FAM135B: variants seen among roughly 807,000 people sequenced by gnomAD.
FAM135B encodes the protein protein FAM135B.
In FAM135B, 43 loss-of-function variants were observed where a neutral mutation model predicts 127.7. That is an observed-to-expected ratio of 0.34 (90% CI 0.26 to 0.43). The LOEUF (loss-of-function observed/expected upper bound fraction) is 0.43, where lower values mean the gene tolerates loss of function less well. Among genes scored for constraint, FAM135B ranks in the 20% least tolerant of loss-of-function variants. The probability of loss-of-function intolerance (pLI) is 1.00; values close to 1 mark genes in which losing one functional copy is unlikely to be tolerated. For missense variants in FAM135B, 1,558 were observed against 1,725.6 expected (o/e 0.90, Z 1.72); for synonymous variants, 670 against 665.1 (o/e 1.01, Z -0.11).
chr8:138,368,691 A>G (rs1286024410), intron 1 of FAM135B, among the ~76,000 whole-genome samples: 1 of 152,126 alleles, frequency 6.6e-6, no homozygotes, highest in Non-Finnish European at 1.5e-5. Flanking sequence ...CAGGTTGCTA[A>G]TTTTCCAATT....
At chr8:138,446,752 C>T (rs1303006456) in intron 1 of FAM135B, among the ~76,000 whole-genome samples, 4 of 151,828 alleles carry the variant, frequency 2.6e-5, no homozygotes, top group Admixed American at 2.6e-4. Context: ...TGGGCAAGGA[C>T]TTCATGTCTA....
chr8:138,287,895 C>A (rs184677464), intron 3 of FAM135B, among the ~76,000 whole-genome samples: 1 of 152,304 alleles, frequency 6.6e-6, no homozygotes, highest in African/African-American at 2.4e-5. Context: ...GCAGATAATA[C>A]ATACCAACAA....
rs939411942 is a variant in FAM135B, at chr8:138,131,131, G to C, written c.*1462C>G. On this transcript the variant is annotated 3_prime_UTR_variant, in exon 20 of 20. Coordinates refer to ENST00000395297, the MANE Select transcript of FAM135B (RefSeq NM_015912.4). Reference sequence around the variant, plus strand: ...TTCTCAAATGAGCTTAGATTTACTTGGTTTTGTTACCATGGCATCAGTGAC... The same window carrying C: ...TTCTCAAATGAGCTTAGATTTACTTCGTTTTGTTACCATGGCATCAGTGAC... The C allele has an allele frequency of 6.6e-6, 1 of 152,124 alleles. No individual in the cohort carries two copies. The highest frequency in any genetic ancestry group is 2.4e-5 in the African/African-American group (1 of 41,418). 9.4% of individuals were successfully genotyped at this position (152,124 alleles called of 1,614,324 possible). A position where few individuals can be genotyped will look rare whatever the true frequency, so the allele number is the denominator to read the frequency against.
At chr8:138,426,050 C>CACAT (rs1834860325) in intron 1 of FAM135B, among the ~76,000 whole-genome samples, 1 of 36,318 alleles carries the variant, frequency 2.8e-5, no homozygotes, top group African/African-American at 1.7e-4. Context: ...CACACACACA[C>CACAT]ATATATATAT....
At chr8:138,316,806 C>T (rs577352990) in intron 2 of FAM135B, among the ~76,000 whole-genome samples, 1 of 151,970 alleles carries the variant, frequency 6.6e-6, no homozygotes, top group African/African-American at 2.4e-5. Context: ...CGGTGAAACC[C>T]CGTCTCTACT....
chr8:138,433,610 C>T lies in FAM135B; in HGVS notation c.-20+63061G>A, dbSNP rs924691405. Reference sequence around the variant, plus strand: ...TATTAAATAAATGTAATCTCTATTTCATAGTTGATGAAATTCATGCTCAGG... The same window carrying T: ...TATTAAATAAATGTAATCTCTATTTTATAGTTGATGAAATTCATGCTCAGG... On this transcript the variant is annotated intron_variant, in intron 1 of 19. Coordinates refer to ENST00000395297, the MANE Select transcript of FAM135B (RefSeq NM_015912.4). Among the ~76,000 whole-genome samples the T allele has an allele frequency of 2.6e-4, 39 of 151,894 alleles. 1 individual carries two copies. Among genetic ancestry groups the T allele is most frequent in the Non-Finnish European group, 4.4e-5 (3 of 67,976 alleles).
At chr8:138,422,360 G>C (rs777519803) in intron 1 of FAM135B, among the ~76,000 whole-genome samples, 1 of 152,080 alleles carries the variant, frequency 6.6e-6, no homozygotes, top group Non-Finnish European at 1.5e-5. Context: ...GAGAATATTT[G>C]CAAACTATTT....
intron 12 of FAM135B, among the ~76,000 whole-genome samples, chr8:138,165,709 C>T (rs1586659889): frequency 6.6e-6 from 1 of 152,286 alleles, no homozygotes; most frequent in Non-Finnish European, 1.5e-5. Flanking sequence ...CATACATACA[C>T]ATACATATAT....
chr8:138,173,992 A>G (rs1814180377), intron 11 of FAM135B, among the ~76,000 whole-genome samples: 1 of 152,188 alleles, frequency 6.6e-6, no homozygotes, highest in Non-Finnish European at 1.5e-5. Context: ...ACCCGTGGCG[A>G]AAGATGGTCT....
chr8:138,135,532 G>C (rs1016645902), intron 19 of FAM135B, among the ~76,000 whole-genome samples: 11 of 152,122 alleles, frequency 7.2e-5, no homozygotes, highest in African/African-American at 2.7e-4. Flanking sequence ...TTTAATCTGA[G>C]AGACAGTAGA....
intron 7 of FAM135B, among the ~76,000 whole-genome samples, chr8:138,220,723 C>CA (rs1818965744): frequency 6.6e-6 from 1 of 152,244 alleles, no homozygotes; most frequent in Admixed American, 6.5e-5. Context: ...GAACTCCCCC[C>CA]AACTATTTCG....
At chr8:138,362,919 A>G (rs1258928259) in intron 2 of FAM135B, among the ~76,000 whole-genome samples, 1 of 152,214 alleles carries the variant, frequency 6.6e-6, no homozygotes, top group Non-Finnish European at 1.5e-5. Context: ...GAATGAGTAG[A>G]TGACCAAATA....
chr8:138,289,234 G>C (rs143666844), intron 3 of FAM135B, among the ~76,000 whole-genome samples: 4 of 152,278 alleles, frequency 2.6e-5, no homozygotes, highest in East Asian at 3.9e-4. Context: ...GGATGTGTGA[G>C]TTTACAATTG....
chr8:138,401,515 G>A (rs574407513), intron 1 of FAM135B, among the ~76,000 whole-genome samples: 4 of 152,302 alleles, frequency 2.6e-5, no homozygotes, highest in South Asian at 2.1e-4. Context: ...TGACAGCCAC[G>A]TGCTTAAAAG....
At chr8:138,368,110 G>A (rs1460519995) in intron 1 of FAM135B, 108 bp from the exon 2 acceptor site, 2 of 729,054 alleles carry the variant, frequency 2.7e-6, no homozygotes, top group Non-Finnish European at 4.8e-6. Flanking sequence ...AACAGGAGTA[G>A]CGTGTGTCCA....
At chr8:138,271,883 G>A (rs748914949) in intron 3 of FAM135B, among the ~76,000 whole-genome samples, 16 of 152,142 alleles carry the variant, frequency 1.1e-4, no homozygotes, top group East Asian at 7.7e-4. Context: ...TCCTTACATC[G>A]TTGAGTATGG....
chr8:138,385,869 C>A lies in FAM135B; in HGVS notation c.-19-17867G>T, dbSNP rs184143274. Among the ~76,000 whole-genome samples the A allele has an allele frequency of 1.4e-4, 21 of 152,106 alleles. No homozygotes were observed. In the East Asian group the frequency reaches 3.5e-3, roughly 25 times the overall value. On this transcript the variant is annotated intron_variant, in intron 1 of 19. Transcript: ENST00000395297. ...AAAGGACACATAGAAGGAAACGGGC[C>A]AGACTTTTAGAACAAATACGATACT... is the stretch of plus-strand genomic sequence containing the variant.
chr8:138,459,148 A>G (rs879112952), intron 1 of FAM135B: 3 of 152,206 alleles, frequency 2.0e-5, no homozygotes, highest in Admixed American at 2.0e-4. Flanking sequence ...ATTTGCAGGA[A>G]TCGTAGCTGG....
chr8:138,213,522 T>G (rs1240767199), intron 7 of FAM135B, among the ~76,000 whole-genome samples: 2 of 151,690 alleles, frequency 1.3e-5, no homozygotes, highest in Admixed American at 1.3e-4. Flanking sequence ...TTTTTTTTTT[T>G]TAACTTGATG....
Sources: gnomAD v4.1 joint callset for allele counts (sites outside exome capture counted in the v4.1 genomes callset) on GRCh38, gnomAD v4.1.1 for gene constraint, MANE v1.5 for transcripts, NCBI Gene and HGNC (gene_info 2026-07-23, HGNC 2026-07-21) for gene names.